KDM5B: variants seen among roughly 807,000 people sequenced by gnomAD.
KDM5B encodes lysine-specific demethylase 5B.
In KDM5B, 144 loss-of-function variants were observed where a neutral mutation model predicts 193.4. That is an observed-to-expected ratio of 0.74 (90% CI 0.65 to 0.86). The LOEUF (loss-of-function observed/expected upper bound fraction) is 0.86. Ranked by LOEUF, KDM5B falls within the 40% of genes least tolerant of loss-of-function variation. The pLI, the probability that KDM5B is intolerant of heterozygous loss-of-function variation, is 0.00. For missense variants in KDM5B, 1,833 were observed against 1,886.9 expected (o/e 0.97, Z 0.53); for synonymous variants, 668 against 682.6 (o/e 0.98, Z 0.33).
chr1:202,783,036 A>C (rs923019021), intron 1 of KDM5B, among the ~76,000 whole-genome samples: 4 of 152,186 alleles, frequency 2.6e-5, no homozygotes, highest in African/African-American at 9.6e-5. Context: ...ACCTGATGTC[A>C]GGAGTTTGAA....
intron 14 of KDM5B, among the ~76,000 whole-genome samples, chr1:202,747,180 C>G (rs531153482): frequency 2.6e-5 from 4 of 151,970 alleles, no homozygotes; most frequent in African/African-American, 7.3e-5. Context: ...TATGGGCCAA[C>G]AAAGATGAGG....
At position 202,733,700 on chromosome 1, in the gene KDM5B, C is replaced by T; in HGVS notation, c.3610G>A (p.Val1204Met). ...LCRDAFHTSC[V>M]AVPSISQGLR... ...CCCTGTGAAATACTGGGTACCGCCA[C>T]ACAACTGGTGTGGAAAGCATCCCTG... Residue 1204 changes from valine (V) to methionine (M), a missense_variant, in exon 23 of 27, where the codon GTG (valine) becomes ATG (methionine). Physicochemically the swap from Val to Met is conservative, Grantham distance 21 (BLOSUM62 1). This residue lies in a region of KDM5B where 1,379 missense variants were observed against 1,349.6 expected (regional missense o/e 1.02). Coordinates refer to ENST00000367265, the MANE Select transcript of KDM5B (RefSeq NM_006618.5). The T allele has an allele frequency of 6.2e-7, 1 of 1,614,134 alleles. No homozygotes were observed. The highest frequency in any genetic ancestry group is 8.5e-7 in the Non-Finnish European group (1 of 1,180,022).
At position 202,725,853 on chromosome 1, in the gene KDM5B, A is replaced by G. The variant is rs1654657704; in HGVS notation, c.*3183T>C. ...TGGAATCCATTCCGGTATGTGTCATATGGCAAGAAACATAGGCAAGACTGA... is the reference window on the plus strand; with the variant it reads ...TGGAATCCATTCCGGTATGTGTCATGTGGCAAGAAACATAGGCAAGACTGA... On this transcript the variant is annotated 3_prime_UTR_variant, in exon 27 of 27. Coordinates refer to ENST00000367265, the MANE Select transcript of KDM5B (RefSeq NM_006618.5). The G allele has an allele frequency of 6.6e-6, 1 of 152,238 alleles. No homozygotes were observed. Among genetic ancestry groups the G allele is most frequent in the Non-Finnish European group, 1.5e-5 (1 of 68,046 alleles). The allele number at this position is 152,238 out of a possible 1,614,324, so 9.4% of individuals were successfully genotyped here.
intron 12 of KDM5B, 45 bp downstream of exon 12, chr1:202,752,860 T>A (rs372239991): frequency 6.5e-7 from 1 of 1,531,462 alleles, no homozygotes; most frequent in Non-Finnish European, 8.9e-7. Context: ...AAAAGAGAAG[T>A]GGTGAATTAA....
At chr1:202,807,591 G>A (rs1658355121) in intron 1 of KDM5B, among the ~76,000 whole-genome samples, 1 of 151,960 alleles carries the variant, frequency 6.6e-6, no homozygotes, top group Non-Finnish European at 1.5e-5. Context: ...AGGACCAGGG[G>A]CTCCCGCCGC....
chr1:202,788,451 T>C (rs913389681), intron 1 of KDM5B, among the ~76,000 whole-genome samples: 15 of 152,228 alleles, frequency 9.9e-5, no homozygotes, highest in African/African-American at 3.6e-4. Flanking sequence ...AATAAAAATA[T>C]AGTAGTAATA....
chr1:202,788,607 A>T (rs1657511534), intron 1 of KDM5B, among the ~76,000 whole-genome samples: 1 of 151,416 alleles, frequency 6.6e-6, no homozygotes, highest in Non-Finnish European at 1.5e-5. Context: ...TAGGTCCTCT[A>T]AACAGGAAAG....
At position 202,774,670 on chromosome 1, in the gene KDM5B, A is replaced by G; in HGVS notation, c.348T>C (p.Ser116=). 1 of 1,612,574 alleles carries G rather than the reference A, an allele frequency of 6.2e-7. No homozygotes were observed. The highest frequency in any genetic ancestry group is 8.5e-7 in the Non-Finnish European group (1 of 1,178,552). The change falls in exon 3 of 27, where the codon AGT becomes AGC. Residue 116 remains serine, a synonymous_variant. Coordinates refer to ENST00000367265, the MANE Select transcript of KDM5B (RefSeq NM_006618.5). The part of the protein sequence containing the change: ...QIAKYWELQG[S]TLKIPHVERK... ...TCTCCACATGTGGAATTTTCAGAGTACTTCCCTGTAACTCCCAGTACTTTG... is the reference window on the plus strand; with the variant it reads ...TCTCCACATGTGGAATTTTCAGAGTGCTTCCCTGTAACTCCCAGTACTTTG...
At chr1:202,791,486 G>A (rs1036183253) in intron 1 of KDM5B, among the ~76,000 whole-genome samples, 1 of 151,956 alleles carries the variant, frequency 6.6e-6, no homozygotes, top group African/African-American at 2.4e-5. Flanking sequence ...TTCCTTCCTT[G>A]AATATTGTTG....
At chr1:202,795,158 G>A (rs572545840) in intron 1 of KDM5B, among the ~76,000 whole-genome samples, 57 of 152,178 alleles carry the variant, frequency 3.7e-4, no homozygotes, top group African/African-American at 1.2e-3. Context: ...AGATTGCAGT[G>A]AGCCGAGACA....
chr1:202,765,540 C>T lies in KDM5B; in HGVS notation c.711+1386G>A, dbSNP rs150040284. Among the ~76,000 whole-genome samples, 264 of 152,258 alleles carry T rather than the reference C, an allele frequency of 1.7e-3. 1 individual carries two copies. Among genetic ancestry groups the T allele is most frequent in the Non-Finnish European group, 3.6e-3 (245 of 68,022 alleles). ...AGCACTGGGGCATTTCTTATATACA[C>T]ATGTATAAGATCAAGAATATGCTCA... On this transcript the variant is annotated intron_variant, in intron 5 of 26. Transcript: ENST00000367265.
chr1:202,754,021 TCA>T (rs1480543588), intron 11 of KDM5B, among the ~76,000 whole-genome samples: 1 of 152,232 alleles, frequency 6.6e-6, no homozygotes, highest in Non-Finnish European at 1.5e-5. Flanking sequence ...TATGTTGTTA[TCA>T]CAGTTTCCTA....
intron 16 of KDM5B, among the ~76,000 whole-genome samples, chr1:202,743,309 T>G (rs965357882): frequency 8.0e-6 from 1 of 125,540 alleles, no homozygotes; most frequent in Non-Finnish European, 1.6e-5. Flanking sequence ...TGCACTCCAG[T>G]TGAGATGACA....
At chr1:202,761,317 C>A (rs1656241860) in intron 7 of KDM5B, among the ~76,000 whole-genome samples, 1 of 152,052 alleles carries the variant, frequency 6.6e-6, no homozygotes, top group Non-Finnish European at 1.5e-5. Context: ...TGGTGGTGCA[C>A]ACCTGTGGTC....
At chr1:202,771,601 G>C (rs1481039023) in intron 4 of KDM5B, among the ~76,000 whole-genome samples, 1 of 140,808 alleles carries the variant, frequency 7.1e-6, no homozygotes, top group Non-Finnish European at 1.5e-5. Flanking sequence ...TATTTTTTTT[G>C]AGAAGAGTCT....
At position 202,726,325 on chromosome 1, in the gene KDM5B, G is replaced by A. The variant is rs566971692; in HGVS notation, c.*2711C>T. On this transcript the variant is annotated 3_prime_UTR_variant, in exon 27 of 27. Coordinates refer to ENST00000367265, the MANE Select transcript of KDM5B (RefSeq NM_006618.5). ...AATGAATCCCACCTCCTAGGATACT[G>A]AAACGAAGCTGTAAAGAAGTCAACT... The A allele has an allele frequency of 6.6e-5, 10 of 152,270 alleles. No individual in the cohort carries two copies. Among genetic ancestry groups the A allele is most frequent in the African/African-American group, 2.2e-4 (9 of 41,554 alleles). 9.4% of individuals were successfully genotyped at this position (152,270 alleles called of 1,614,324 possible).
At chr1:202,747,997 T>G (rs1572721516) in intron 14 of KDM5B, among the ~76,000 whole-genome samples, 1 of 152,118 alleles carries the variant, frequency 6.6e-6, no homozygotes, top group East Asian at 1.9e-4. Context: ...TCATACTACC[T>G]GATTTCAAGA....
At position 202,807,440 on chromosome 1, in the gene KDM5B, G is replaced by C. The variant is rs540697400; in HGVS notation, c.204+662C>G. On this transcript the variant is annotated intron_variant, in intron 1 of 26. Coordinates refer to ENST00000367265, the MANE Select transcript of KDM5B (RefSeq NM_006618.5). The stretch of plus-strand genomic sequence containing the variant: ...GACCCGCGGCTCCTCCCCGCCCCCA[G>C]CCAGCGCTGGCCGCCCCCTTCTTGA... 1.1e-4 allele frequency: 14 copies of C among 123,382 alleles called. No individual in the cohort carries two copies. In the East Asian group the frequency reaches 3.5e-3, roughly 31 times the overall value. The allele number at this position is 123,382 out of a possible 1,614,324, so 7.6% of individuals were successfully genotyped here.
intron 1 of KDM5B, among the ~76,000 whole-genome samples, chr1:202,789,317 T>TC (rs1282588681): frequency 6.6e-6 from 1 of 151,880 alleles, no homozygotes; most frequent in Non-Finnish European, 1.5e-5. Context: ...GGTCAGGAGT[T>TC]CGAGACCAGC....
Sources: gnomAD v4.1 joint callset for allele counts (sites outside exome capture counted in the v4.1 genomes callset) on GRCh38, gnomAD v4.1.1 for gene constraint, gnomAD v4.1.1 regional missense constraint, MANE v1.5 for transcripts, NCBI Gene and HGNC (gene_info 2026-07-23, HGNC 2026-07-21) for gene names.